Variants in RADIL observed in about 807,000 individuals in gnomAD.
The protein encoded by RADIL is ras-associating and dilute domain-containing protein.
RADIL carries 99 observed loss-of-function variants against 97.6 expected under a neutral mutation model. The observed-to-expected ratio is 1.01, with a 90% CI of 0.86 to 1.20. RADIL has a LOEUF of 1.20. Among genes scored for constraint, RADIL ranks in the 50% most tolerant of loss-of-function variants. The pLI, the probability that RADIL is intolerant of heterozygous loss-of-function variation, is 0.00. For synonymous variants in RADIL, 803 were observed against 691.8 expected (o/e 1.16, Z -2.52); for missense variants, 1,765 against 1,498.9 (o/e 1.18, Z -2.93).
Position 4,860,527 on chromosome 7 carries a change from A to G in RADIL, c.535+17078T>C, listed in dbSNP as rs745899222. 11 of 1,614,080 alleles carry G rather than the reference A, an allele frequency of 6.8e-6. No individual in the cohort carries two copies. In the South Asian group the frequency reaches 1.1e-4, roughly 16 times the overall value. On this transcript the variant is annotated intron_variant, in intron 2 of 14. Transcript: ENST00000399583. ...TTGTACGAAATTCTTCCATATCAGG[A>G]TTTTCTTTGGGTGCTGGAAATGACT... is the stretch of plus-strand genomic sequence containing the variant.
intron 12 of RADIL, among the ~76,000 whole-genome samples, chr7:4,801,086 ACACCCATG>A (rs1320155712): frequency 6.6e-6 from 1 of 151,056 alleles, no homozygotes; most frequent in African/African-American, 2.4e-5. Context: ...ACGTGCACTT[ACACCCATG>A]CACAGATGCA....
chr7:4,816,154 C>T (rs1356130749), intron 8 of RADIL, 74 bp downstream of exon 8: 39 of 1,411,192 alleles, frequency 2.8e-5, no homozygotes, highest in East Asian at 1.4e-4. Flanking sequence ...CAGGAGCTGG[C>T]GAGGGAGGCG....
rs370284601 is a variant in RADIL, at chr7:4,816,324, G to A, written c.1870C>T (p.Arg624Trp). The change falls in exon 8 of 15, where the codon CGG becomes TGG. Residue 624 changes from arginine to tryptophan, a missense_variant. Physicochemically the swap from Arg to Trp is moderately radical, Grantham distance 101. Coordinates refer to ENST00000399583, the MANE Select transcript of RADIL (RefSeq NM_018059.5). ...ACCTCGGGGTGCACCTGCAGCTGCCGCAGGAGGTCCAGGGCTGCCTGGTAC... is the reference window on the plus strand; with the variant it reads ...ACCTCGGGGTGCACCTGCAGCTGCCACAGGAGGTCCAGGGCTGCCTGGTAC... Reference protein sequence around the residue: ...SVYQAALDLLRQLQVHPEVAS... With the variant: ...SVYQAALDLLWQLQVHPEVAS... 26 of 1,612,298 alleles carry A rather than the reference G, an allele frequency of 1.6e-5. No homozygotes were observed. The highest frequency in any genetic ancestry group is 5.3e-5 in the African/African-American group (4 of 74,912).
intron 9 of RADIL, 116 bp from the exon 10 acceptor site, chr7:4,805,832 C>G: frequency 6.9e-7 from 1 of 1,444,942 alleles, no homozygotes; most frequent in Non-Finnish European, 9.1e-7. Flanking sequence ...CTGTGGTCCT[C>G]ACTCCCACCA....
At chr7:4,876,101 AC>A (rs1313834084) in intron 2 of RADIL, among the ~76,000 whole-genome samples, 1 of 151,930 alleles carries the variant, frequency 6.6e-6, no homozygotes, top group African/African-American at 2.4e-5. Context: ...CCATCTTCCC[AC>A]CTCAGCCTCC....
At chr7:4,853,149 A>AG (rs1783749129) in intron 2 of RADIL, among the ~76,000 whole-genome samples, 1 of 152,196 alleles carries the variant, frequency 6.6e-6, no homozygotes, top group Non-Finnish European at 1.5e-5. Flanking sequence ...GCCAGAGGGC[A>AG]GGCTGTGGCA....
intron 2 of RADIL, chr7:4,859,931 TG>T: frequency 6.2e-7 from 1 of 1,613,348 alleles, no homozygotes; most frequent in African/African-American, 1.3e-5. Context: ...CTGAGTTTCC[TG>T]AAGGTCTGGA....
rs532573596 is a variant in RADIL, at chr7:4,797,935, C to G, written c.*1443G>C. 3.3e-5 allele frequency: 5 copies of G among 151,878 alleles called. No individual in the cohort carries two copies. The East Asian group carries it at 9.7e-4, about 29-fold the overall frequency. The allele number at this position is 151,878 out of a possible 1,614,324, so 9.4% of individuals were successfully genotyped here. ...GTTGCAGTGAGCTGAGATTGCACCA[C>G]TGCACTCCAGCCTGGGTCACAGAGC... On this transcript the variant is annotated 3_prime_UTR_variant, in exon 15 of 15. Transcript: ENST00000399583.
chr7:4,827,453 C>A (rs541699069), intron 5 of RADIL, among the ~76,000 whole-genome samples: 37 of 150,618 alleles, frequency 2.5e-4, no homozygotes, highest in Admixed American at 7.3e-4. Context: ...AGAGGTCAGG[C>A]GATCAAGACC....
In RADIL at chr7:4,822,469, T is replaced by C. The variant is rs762297478; in HGVS notation, c.1540A>G (p.Ile514Val). 6.8e-6 allele frequency: 11 copies of C among 1,612,936 alleles called. No individual in the cohort carries two copies. In the African/African-American group the frequency reaches 9.3e-5, roughly 14 times the overall value. The part of the protein sequence containing the change: ...QPILFWMSNS[I>V]ELLYFIQQKC... ...TGCTGGATAAAGTACAGGAGCTCGATGGAGTTAGACATCCAGAAAAGAATG... is the reference window on the plus strand; with the variant it reads ...TGCTGGATAAAGTACAGGAGCTCGACGGAGTTAGACATCCAGAAAAGAATG... Residue 514 changes from isoleucine (I) to valine (V), a missense_variant, in exon 6 of 15, where the codon ATC (isoleucine) becomes GTC (valine). Physicochemically the swap from Ile to Val is conservative, Grantham distance 29 (BLOSUM62 3). Coordinates refer to ENST00000399583, the MANE Select transcript of RADIL (RefSeq NM_018059.5). The surrounding 1 kb of genome is among the most constrained non-coding windows in gnomAD (Gnocchi z 5.3).
At chr7:4,827,580 G>A (rs369435282) in intron 5 of RADIL, among the ~76,000 whole-genome samples, 7 of 152,168 alleles carry the variant, frequency 4.6e-5, no homozygotes, top group Admixed American at 4.6e-4. Flanking sequence ...AGAATGGCGT[G>A]AACCCAGGAG....
intron 5 of RADIL, among the ~76,000 whole-genome samples, chr7:4,825,851 C>T (rs1296082161): frequency 7.2e-6 from 1 of 138,886 alleles, no homozygotes; most frequent in Non-Finnish European, 1.5e-5. Flanking sequence ...CACTGTACTC[C>T]AGCCTGGGCT....
At chr7:4,827,569 G>A (rs1224605841) in intron 5 of RADIL, among the ~76,000 whole-genome samples, 1 of 152,186 alleles carries the variant, frequency 6.6e-6, no homozygotes, top group Non-Finnish European at 1.5e-5. Context: ...GCTGAGGCAG[G>A]AGAATGGCGT....
rs772836994 is a variant in RADIL at position 4,805,721 on chromosome 7, G to A, written c.2140-5C>T. 3.7e-5 allele frequency: 59 copies of A among 1,604,318 alleles called. No homozygotes were observed. Among genetic ancestry groups the A allele is most frequent in the East Asian group, 2.7e-4 (12 of 44,740 alleles). On this transcript the variant is annotated splice_polypyrimidine_tract_variant and splice_region_variant and intron_variant, in intron 9 of 14. Coordinates refer to ENST00000399583, the MANE Select transcript of RADIL (RefSeq NM_018059.5). ...CCGCAGGGCTGTCCAGCTCATCTGG[G>A]TGACAAGAAGGAGCTCATGGTCACA...
Position 4,824,206 on chromosome 7 carries a change from G to C in RADIL, c.1455-1652C>G, listed in dbSNP as rs1050168846. On this transcript the variant is annotated intron_variant, in intron 5 of 14. Transcript: ENST00000399583. The surrounding 1 kb of genome is among the most constrained non-coding windows in gnomAD (Gnocchi z 6.7). ...CCTTGTCACCTGTGTCCCTTACTGG[G>C]GGGATTCTAAGGGGTGAGCCAGGCA... is the stretch of plus-strand genomic sequence containing the variant. Among the ~76,000 whole-genome samples, 1 of 152,244 alleles carries C rather than the reference G, an allele frequency of 6.6e-6. No homozygotes were observed. Among genetic ancestry groups the C allele is most frequent in the East Asian group, 1.9e-4 (1 of 5,196 alleles).
chr7:4,836,443 G>A lies in RADIL; in HGVS notation c.698C>T (p.Pro233Leu), dbSNP rs750978873. 6.3e-7 allele frequency: 1 copy of A among 1,598,120 alleles called. No homozygotes were observed. Among genetic ancestry groups the A allele is most frequent in the African/African-American group, 1.3e-5 (1 of 74,724 alleles). The change falls in exon 3 of 15, where the codon CCC becomes CTC. Residue 233 changes from proline (P) to leucine (L), a missense_variant. By Grantham distance (98) the Pro-to-Leu change is moderately conservative (BLOSUM62 -3). Transcript: ENST00000399583. ...CATGGCGTCGGGGCCGGGCTCCTCGGGGCCCTGGGCGGCAGCGGGCAGGGC... is the reference window on the plus strand; with the variant it reads ...CATGGCGTCGGGGCCGGGCTCCTCGAGGCCCTGGGCGGCAGCGGGCAGGGC... ...VNALPAAAQG[P>L]EEPGPDAMRY...
Position 4,821,298 on chromosome 7 carries a change from C to T in RADIL, c.1615+1096G>A, listed in dbSNP as rs1313878636. ...TGAGGGCAGTGGGTGGACAGCAAGG[C>T]CGTTGGGGGCAGAACCAAGGCTTCC... On this transcript the variant is annotated intron_variant, in intron 6 of 14. Transcript: ENST00000399583. The surrounding 1 kb of genome is among the most constrained non-coding windows in gnomAD (Gnocchi z 5.2). 1.3e-5 allele frequency among the ~76,000 whole-genome samples: 2 copies of T among 152,168 alleles called. No individual in the cohort carries two copies. Among genetic ancestry groups the T allele is most frequent in the Non-Finnish European group, 2.9e-5 (2 of 68,032 alleles).
chr7:4,816,176 C>T, intron 8 of RADIL, 52 bp downstream of exon 8: 1 of 1,535,220 alleles, frequency 6.5e-7, no homozygotes, highest in Non-Finnish European at 8.9e-7. Context: ...CAGCAGCCGT[C>T]ATGTCCAGGA....
intron 2 of RADIL, among the ~76,000 whole-genome samples, chr7:4,855,982 GA>G (rs1050749452): frequency 1.3e-5 from 2 of 151,922 alleles, no homozygotes; most frequent in African/African-American, 4.8e-5. Flanking sequence ...TTTTAGTAGA[GA>G]AAAATACAAA....
Sources: allele counts gnomAD v4.1 joint callset (sites outside exome capture counted in the v4.1 genomes callset), GRCh38; gene constraint gnomAD v4.1.1; non-coding constraint Gnocchi (gnomAD v3.1); transcripts MANE v1.5; gene names NCBI Gene and HGNC (gene_info 2026-07-23, HGNC 2026-07-21).